LRIG2: variants seen among roughly 807,000 people sequenced by gnomAD.
LRIG2 encodes the protein leucine-rich repeats and immunoglobulin-like domains protein 2.
LRIG2 carries 93 observed loss-of-function variants against 107.8 expected under a neutral mutation model. The ratio of observed to expected loss-of-function variants is 0.86; its 90% confidence interval spans 0.73 to 1.03. LRIG2 has a LOEUF of 1.03. Ranked by LOEUF, LRIG2 falls within the 50% of genes least tolerant of loss-of-function variation. LRIG2 has a pLI of 0.00. For missense variants in LRIG2, 1,226 were observed against 1,296.0 expected (o/e 0.95, Z 0.83); for synonymous variants, 471 against 470.6 (o/e 1.00, Z -0.01).
intron 5 of LRIG2, 31 bp from the exon 6 acceptor site, chr1:113,094,581 T>C: frequency 6.2e-7 from 1 of 1,600,116 alleles, no homozygotes. Context: ...AGCAAACCAA[T>C]TTCCTGACTG....
chr1:113,102,052 G>A (rs1570751692), intron 11 of LRIG2, among the ~76,000 whole-genome samples: 1 of 152,180 alleles, frequency 6.6e-6, no homozygotes, highest in African/African-American at 2.4e-5. Context: ...AGCAGTGAGG[G>A]GAAACTCTTT....
chr1:113,083,577 C>T (rs1653388235), intron 1 of LRIG2, among the ~76,000 whole-genome samples: 2 of 151,762 alleles, frequency 1.3e-5, no homozygotes, highest in South Asian at 4.2e-4. Context: ...AACTCCAGAC[C>T]TCAGGTGATC....
In LRIG2 at chr1:113,092,464, C is replaced by T. The variant is rs901072826; in HGVS notation, c.306-742C>T. 3.9e-5 allele frequency among the ~76,000 whole-genome samples: 6 copies of T among 152,206 alleles called. No homozygotes were observed. In the East Asian group the frequency reaches 7.7e-4, roughly 20 times the overall value. ...CATCTGTGGTCTCAAGTAACACTCTCTAACATTTGTATAGCTTTAGAAAAA... is the reference window on the plus strand; with the variant it reads ...CATCTGTGGTCTCAAGTAACACTCTTTAACATTTGTATAGCTTTAGAAAAA... On this transcript the variant is annotated intron_variant, in intron 2 of 17. Coordinates refer to ENST00000361127, the MANE Select transcript of LRIG2 (RefSeq NM_014813.3).
intron 11 of LRIG2, among the ~76,000 whole-genome samples, chr1:113,102,532 A>G (rs1420787757): frequency 6.6e-6 from 1 of 151,730 alleles, no homozygotes; most frequent in African/African-American, 2.4e-5. Context: ...GGCCTCCCAA[A>G]GTGCTGGGAT....
Position 113,123,892 on chromosome 1 carries a change from G to C in LRIG2, c.2989G>C (p.Val997Leu). 1 of 1,614,042 alleles carries C rather than the reference G, an allele frequency of 6.2e-7. No homozygotes were observed. The stretch of plus-strand genomic sequence containing the variant: ...ATTCTCAGAAACATTGCAGCGGCCC[G>C]TGTGGAACATAAACAGAGAACTAGG... ...QMSGETLQRPVWNINRELGLP... is the reference protein window; with the variant it reads ...QMSGETLQRPLWNINRELGLP... The change falls in exon 18 of 18, where the codon GTG (valine) becomes CTG (leucine). Residue 997 changes from valine to leucine, a missense_variant. Physicochemically the swap from Val to Leu is conservative, Grantham distance 32. Coordinates refer to ENST00000361127, the MANE Select transcript of LRIG2 (RefSeq NM_014813.3).
intron 11 of LRIG2, among the ~76,000 whole-genome samples, chr1:113,101,800 A>G (rs1654317766): frequency 6.6e-6 from 1 of 152,240 alleles, no homozygotes; most frequent in Non-Finnish European, 1.5e-5. Flanking sequence ...GTGAAGATAA[A>G]GTGAGATAAC....
chr1:113,110,002 C>A (rs766275379), intron 12 of LRIG2, among the ~76,000 whole-genome samples: 69 of 152,110 alleles, frequency 4.5e-4, no homozygotes, highest in Admixed American at 8.5e-4. Context: ...GTCAGGAAAC[C>A]TGAGTTCCAA....
At chr1:113,090,496 TCTATA>T (rs1380648716) in intron 1 of LRIG2, among the ~76,000 whole-genome samples, 1 of 152,130 alleles carries the variant, frequency 6.6e-6, no homozygotes, top group Non-Finnish European at 1.5e-5. Context: ...AACATTCTTG[TCTATA>T]CTACTCAAAT....
At chr1:113,105,402 T>G (rs1654497778) in intron 11 of LRIG2, among the ~76,000 whole-genome samples, 1 of 152,154 alleles carries the variant, frequency 6.6e-6, no homozygotes, top group Non-Finnish European at 1.5e-5. Flanking sequence ...CCCTCTTGGT[T>G]TAGTGGTACT....
chr1:113,076,274 A>C (rs1259471626), intron 1 of LRIG2, among the ~76,000 whole-genome samples: 1 of 152,152 alleles, frequency 6.6e-6, no homozygotes, highest in Non-Finnish European at 1.5e-5. Flanking sequence ...CCAAAGTGCT[A>C]GGATTACAGG....
At chr1:113,103,832 G>A (rs1462851590) in intron 11 of LRIG2, 1 of 152,238 alleles carries the variant, frequency 6.6e-6, no homozygotes, top group East Asian at 1.9e-4. Flanking sequence ...ATTCTCTGGA[G>A]TTGGGCTAGA....
At position 113,131,802 on chromosome 1, in the gene LRIG2, T is replaced by TG. The variant is rs1655709584; in HGVS notation, c.*7701_*7702insG. On this transcript the variant is annotated 3_prime_UTR_variant, in exon 18 of 18. Coordinates refer to ENST00000361127, the MANE Select transcript of LRIG2 (RefSeq NM_014813.3). The stretch of plus-strand genomic sequence containing the variant: ...GGTTTTGTCAGTAGTAAGGTAGGTT[T>TG]TGTGTGTGTGTGTGTGTGTGTGTGT... The TG allele has an allele frequency of 6.8e-6, 1 of 147,726 alleles. No individual in the cohort carries two copies. Among genetic ancestry groups the TG allele is most frequent in the African/African-American group, 2.5e-5 (1 of 39,742 alleles). 9.2% of individuals were successfully genotyped at this position (147,726 alleles called of 1,614,324 possible).
In LRIG2 at chr1:113,129,802, C is replaced by G. The variant is rs1220364587; in HGVS notation, c.*5701C>G. On this transcript the variant is annotated 3_prime_UTR_variant, in exon 18 of 18. Coordinates refer to ENST00000361127, the MANE Select transcript of LRIG2 (RefSeq NM_014813.3). ...CCCTTTCAGGCTGATTCTCCACTTCCACCTGGAAGAAAAGACAGTATTCCT... is the reference window on the plus strand; with the variant it reads ...CCCTTTCAGGCTGATTCTCCACTTCGACCTGGAAGAAAAGACAGTATTCCT... 6.6e-6 allele frequency: 1 copy of G among 152,134 alleles called. No homozygotes were observed. Among genetic ancestry groups the G allele is most frequent in the Non-Finnish European group, 1.5e-5 (1 of 68,036 alleles). 9.4% of individuals were successfully genotyped at this position (152,134 alleles called of 1,614,324 possible).
In LRIG2 at chr1:113,131,399, C is replaced by T. The variant is rs1267214894; in HGVS notation, c.*7298C>T. On this transcript the variant is annotated 3_prime_UTR_variant, in exon 18 of 18. Coordinates refer to ENST00000361127, the MANE Select transcript of LRIG2 (RefSeq NM_014813.3). ...AAATGCTAGAAGTGTAAAGGAATAA[C>T]AGAGGTAAATTTGCTGTCATTTTAT... 6.6e-6 allele frequency: 1 copy of T among 152,152 alleles called. No homozygotes were observed. The highest frequency in any genetic ancestry group is 1.5e-5 in the Non-Finnish European group (1 of 68,028). The allele number at this position is 152,152 out of a possible 1,614,324, so 9.4% of individuals were successfully genotyped here. A position where few individuals can be genotyped will look rare whatever the true frequency, so the allele number is the denominator to read the frequency against.
intron 1 of LRIG2, among the ~76,000 whole-genome samples, chr1:113,077,548 C>T (rs1653038130): frequency 6.6e-6 from 1 of 152,004 alleles, no homozygotes. Flanking sequence ...TTAGTTCTTT[C>T]TATTTTCATT....
chr1:113,098,149 T>C (rs1570747205), intron 8 of LRIG2, among the ~76,000 whole-genome samples: 1 of 152,234 alleles, frequency 6.6e-6, no homozygotes, highest in Admixed American at 6.5e-5. Flanking sequence ...TACTTTCCCT[T>C]TGAAAGAAAA....
intron 1 of LRIG2, among the ~76,000 whole-genome samples, chr1:113,079,740 CTTTTTT>C (rs1052163783): frequency 1.6e-5 from 2 of 128,828 alleles, no homozygotes; most frequent in Admixed American, 1.6e-4. Flanking sequence ...CAGGAGAAAT[CTTTTTT>C]TTTTTTTTTT....
rs982168496 is a variant in LRIG2, at chr1:113,129,717, C to T, written c.*5616C>T. 1 of 152,204 alleles carries T rather than the reference C, an allele frequency of 6.6e-6. No homozygotes were observed. The highest frequency in any genetic ancestry group is 1.5e-5 in the Non-Finnish European group (1 of 68,060). The allele number at this position is 152,204 out of a possible 1,614,324, so 9.4% of individuals were successfully genotyped here. A position where few individuals can be genotyped will look rare whatever the true frequency, so the allele number is the denominator to read the frequency against. ...GTTGCAAACTGAAATGCTCCTTTCC[C>T]CACTGCCCCCTAATGACCACTTTCA... On this transcript the variant is annotated 3_prime_UTR_variant, in exon 18 of 18. Coordinates refer to ENST00000361127, the MANE Select transcript of LRIG2 (RefSeq NM_014813.3).
At chr1:113,101,109 C>T (rs1218148639) in intron 11 of LRIG2, among the ~76,000 whole-genome samples, 3 of 152,212 alleles carry the variant, frequency 2.0e-5, no homozygotes, top group East Asian at 3.9e-4. Context: ...CTTACTCTAT[C>T]CCCTAGGCTG....
Sources: gnomAD v4.1 joint callset for allele counts (sites outside exome capture counted in the v4.1 genomes callset) on GRCh38, gnomAD v4.1.1 for gene constraint, MANE v1.5 for transcripts, NCBI Gene and HGNC (gene_info 2026-07-23, HGNC 2026-07-21) for gene names.